IL1RAPL1: variants seen among roughly 807,000 people sequenced by gnomAD.
IL1RAPL1 encodes interleukin 1 receptor accessory protein like 1.
A neutral mutation model predicts 48.4 loss-of-function variants in IL1RAPL1; 3 were observed. The ratio of observed to expected loss-of-function variants is 0.06; its 90% CI spans 0.03 to 0.16. The LOEUF is 0.16. Among genes scored for constraint, IL1RAPL1 ranks in the 10% least tolerant of loss-of-function variants. The probability of loss-of-function intolerance (pLI) is 1.00; values close to 1 mark genes in which losing one functional copy is unlikely to be tolerated. For missense variants in IL1RAPL1, 349 were observed against 530.6 expected (o/e 0.66, Z 3.36); for synonymous variants, 185 against 187.7 (o/e 0.99, Z 0.12).
intron 6 of IL1RAPL1, among the ~76,000 whole-genome samples, chrX:29,907,900 CTG>C (rs770064921): frequency 2.7e-5 from 3 of 111,320 alleles, no homozygotes; most frequent in African/African-American, 9.8e-5. Flanking sequence ...TAATTAGTAA[CTG>C]TAGAAATCAT....
chrX:29,350,201 A>G (rs1259993235), intron 3 of IL1RAPL1, among the ~76,000 whole-genome samples: 1 of 74,454 alleles, frequency 1.3e-5, no homozygotes, highest in African/African-American at 6.9e-5. Context: ...TTATATATAT[A>G]TATATATATA....
rs1281355602 is a variant in IL1RAPL1 at position 29,180,552 on chromosome X, T to C, written c.83-102386T>C. On this transcript the variant is annotated intron_variant, in intron 2 of 10. Coordinates refer to ENST00000378993, the MANE Select transcript of IL1RAPL1 (RefSeq NM_014271.4). Reference sequence around the variant, plus strand: ...CCACCACACCTGGCTGATTTTTGTATTTTTAGTAGAGACGGGGTTTCACCG... The same window carrying C: ...CCACCACACCTGGCTGATTTTTGTACTTTTAGTAGAGACGGGGTTTCACCG... Among the ~76,000 whole-genome samples the C allele has an allele frequency of 2.7e-5, 3 of 110,157 alleles. No homozygotes were observed. The Admixed American group carries it at 2.9e-4, about 11-fold the overall frequency.
At chrX:28,911,799 A>G in intron 2 of IL1RAPL1, among the ~76,000 whole-genome samples, 1 of 109,362 alleles carries the variant, frequency 9.1e-6, no homozygotes, top group East Asian at 2.9e-4. Flanking sequence ...TGGGGCTAGA[A>G]GGTATATTGC....
At chrX:28,745,220 T>C (rs1437993410) in intron 1 of IL1RAPL1, among the ~76,000 whole-genome samples, 2 of 111,885 alleles carry the variant, frequency 1.8e-5, no homozygotes, top group Non-Finnish European at 3.8e-5. Flanking sequence ...ACTGATCATC[T>C]CAGCCTTTAG....
At chrX:29,136,049 A>T (rs1330857342) in intron 2 of IL1RAPL1, among the ~76,000 whole-genome samples, 1 of 111,120 alleles carries the variant, frequency 9.0e-6, no homozygotes, top group Non-Finnish European at 1.9e-5. Flanking sequence ...TAAGTCTTAC[A>T]TTTGTATACA....
At chrX:29,211,403 G>A (rs1930766972) in intron 2 of IL1RAPL1, among the ~76,000 whole-genome samples, 1 of 111,902 alleles carries the variant, frequency 8.9e-6, no homozygotes, top group South Asian at 3.7e-4. Flanking sequence ...GTGTCCTGAA[G>A]TAGGTGACCA....
At chrX:29,875,791 T>G (rs1401386645) in intron 6 of IL1RAPL1, among the ~76,000 whole-genome samples, 4 of 112,133 alleles carry the variant, frequency 3.6e-5, no homozygotes, top group Non-Finnish European at 7.5e-5. Flanking sequence ...GTAAGCATGG[T>G]GAGCAGATAG....
chrX:28,715,540 A>G (rs1285894590), intron 1 of IL1RAPL1, among the ~76,000 whole-genome samples: 3 of 111,866 alleles, frequency 2.7e-5, no homozygotes, highest in Non-Finnish European at 5.6e-5. Context: ...CCATCAGAAA[A>G]TATTACAAAT....
chrX:29,266,198 A>G (rs963495296), intron 2 of IL1RAPL1, among the ~76,000 whole-genome samples: 7 of 112,021 alleles, frequency 6.2e-5, no homozygotes, highest in African/African-American at 2.3e-4. Context: ...TCACAATAGC[A>G]AAGACTTGGA....
chrX:29,006,645 ATATGTGTGTGTGTG>A (rs1238154862), intron 2 of IL1RAPL1, among the ~76,000 whole-genome samples: 21 of 80,066 alleles, frequency 2.6e-4, no homozygotes, highest in African/African-American at 1.0e-3. Flanking sequence ...GTGTTTATAT[ATATGTGTGTGTGTG>A]TGTGTGTGTG....
At chrX:28,609,213 T>TA (rs1029309978) in intron 1 of IL1RAPL1, among the ~76,000 whole-genome samples, 2 of 112,017 alleles carry the variant, frequency 1.8e-5, no homozygotes, top group Non-Finnish European at 3.8e-5. Context: ...ATTGAGTGTC[T>TA]AGCACAAAGT....
chrX:29,262,890 T>A (rs1054626337), intron 2 of IL1RAPL1, among the ~76,000 whole-genome samples: 1 of 111,634 alleles, frequency 9.0e-6, no homozygotes, highest in Non-Finnish European at 1.9e-5. Context: ...GATTAACTTT[T>A]TTTTTTCAAA....
At chrX:29,116,083 A>T (rs898911960) in intron 2 of IL1RAPL1, among the ~76,000 whole-genome samples, 3 of 111,394 alleles carry the variant, frequency 2.7e-5, no homozygotes, top group South Asian at 3.7e-4. Flanking sequence ...TCTATTTTGT[A>T]TACTTTAATC....
intron 2 of IL1RAPL1, among the ~76,000 whole-genome samples, chrX:29,031,245 C>A (rs1288415835): frequency 1.8e-5 from 2 of 112,130 alleles, no homozygotes; most frequent in Non-Finnish European, 3.8e-5. Flanking sequence ...TACTTATTTT[C>A]ATTTCTAATT....
At chrX:29,798,849 A>G (rs980301276) in intron 6 of IL1RAPL1, among the ~76,000 whole-genome samples, 14 of 112,219 alleles carry the variant, frequency 1.2e-4, no homozygotes, top group East Asian at 2.8e-4. Flanking sequence ...TAAACAAAGA[A>G]TGATTAAAAA....
chrX:29,335,816 C>T (rs1429373171), intron 3 of IL1RAPL1, among the ~76,000 whole-genome samples: 1 of 111,178 alleles, frequency 9.0e-6, no homozygotes, highest in African/African-American at 3.3e-5. Context: ...TATTTGAAAG[C>T]ACATTTAAAT....
At chrX:29,641,416 A>G (rs1237920454) in intron 5 of IL1RAPL1, among the ~76,000 whole-genome samples, 1 of 112,121 alleles carries the variant, frequency 8.9e-6, no homozygotes, top group African/African-American at 3.2e-5. Flanking sequence ...CATCTCTATG[A>G]CTGGAATGCT....
chrX:29,228,165 C>T (rs1223340113), intron 2 of IL1RAPL1, among the ~76,000 whole-genome samples: 2 of 88,157 alleles, frequency 2.3e-5, no homozygotes, highest in Non-Finnish European at 4.1e-5. Flanking sequence ...TAACCATCTC[C>T]GGACACACGC....
chrX:29,334,970 C>T (rs1932962621), intron 3 of IL1RAPL1, among the ~76,000 whole-genome samples: 1 of 112,521 alleles, frequency 8.9e-6, no homozygotes, highest in African/African-American at 3.2e-5. Flanking sequence ...CGCCACTGCA[C>T]TCCAGCCTGG....
Sources: gnomAD v4.1 joint callset for allele counts (sites outside exome capture counted in the v4.1 genomes callset) on GRCh38, gnomAD v4.1.1 for gene constraint, MANE v1.5 for transcripts, NCBI Gene and HGNC (gene_info 2026-07-23, HGNC 2026-07-21) for gene names.